Variants in STT3B observed in about 807,000 individuals in gnomAD.
The protein encoded by STT3B is STT3 oligosaccharyltransferase complex catalytic subunit B, also known as dolichyl-diphosphooligosaccharide--protein glycosyltransferase subunit STT3B.
A neutral mutation model predicts 96.8 loss-of-function variants in STT3B; 29 were observed. The observed-to-expected ratio is 0.30, with a 90% confidence interval of 0.22 to 0.41. The LOEUF is 0.41. Among genes scored for constraint, STT3B ranks in the 10% least tolerant of loss-of-function variants. The pLI is 1.00. For synonymous variants in STT3B, 367 were observed against 360.0 expected, an observed-to-expected ratio of 1.02 and a Z score of -0.22; for missense variants, 640 against 1,022.3, an observed-to-expected ratio of 0.63 and a Z score of 5.10.
In STT3B at chr3:31,581,834, C is replaced by CT. The variant is rs1298725653; in HGVS notation, c.711+1744dup. On this transcript the variant is annotated intron_variant, in intron 3 of 15. Transcript: ENST00000295770. Reference sequence around the variant, plus strand: ...TGAAGCCATCAGGACCAGGACTTCTCTTTTTTGGGAGATTTCTGATTGCTG... The same window carrying CT: ...TGAAGCCATCAGGACCAGGACTTCTCTTTTTTTGGGAGATTTCTGATTGCTG... Among the ~76,000 whole-genome samples, 6 of 152,252 alleles carry CT rather than the reference C, an allele frequency of 3.9e-5. No individual in the cohort carries two copies. In the South Asian group the frequency reaches 1.2e-3, roughly 32 times the overall value.
intron 5 of STT3B, among the ~76,000 whole-genome samples, chr3:31,608,212 C>T (rs531816635): frequency 8.5e-5 from 13 of 152,256 alleles, no homozygotes; most frequent in Admixed American, 2.6e-4. Flanking sequence ...TACACTCCTC[C>T]GCCCCTATTT....
Position 31,532,926 on chromosome 3 carries a change from T to C in STT3B, c.-73T>C, listed in dbSNP as rs2125429984. 2 of 1,488,000 alleles carry C rather than the reference T, an allele frequency of 1.3e-6. No homozygotes were observed. The highest frequency in any genetic ancestry group is 1.8e-6 in the Non-Finnish European group (2 of 1,121,926). The allele number at this position is 1,488,000 out of a possible 1,614,324, so 92.2% of individuals were successfully genotyped here. A position where few individuals can be genotyped will look rare whatever the true frequency, so the allele number is the denominator to read the frequency against. On this transcript the variant is annotated 5_prime_UTR_variant, in exon 1 of 16. Transcript: ENST00000295770. The stretch of plus-strand genomic sequence containing the variant: ...TTCCTCCTCCTCCTCCTCCTCCGGG[T>C]CCCCGCCCAGCACCCCTCGCACCAG...
chr3:31,610,426 A>G (rs1252411002), intron 5 of STT3B, among the ~76,000 whole-genome samples: 3 of 152,244 alleles, frequency 2.0e-5, no homozygotes, highest in African/African-American at 7.2e-5. Flanking sequence ...CTTTATTTAC[A>G]TAAAAAGAAG....
At chr3:31,566,552 TCAG>T (rs1348414288) in intron 1 of STT3B, among the ~76,000 whole-genome samples, 2 of 152,174 alleles carry the variant, frequency 1.3e-5, no homozygotes, top group Non-Finnish European at 2.9e-5. Flanking sequence ...TTTTCTTCCT[TCAG>T]CACACCATTT....
At chr3:31,559,146 GGTGTGTGTGTGT>G (rs55707310) in intron 1 of STT3B, among the ~76,000 whole-genome samples, 3,337 of 116,524 alleles carry the variant, frequency 0.029, 68 homozygotes, top group African/African-American at 0.055. Flanking sequence ...TGATTCTTGG[GGTGTGTGTGTGT>G]GTGTGTGTGT....
chr3:31,576,584 G>A (rs1698269239), intron 2 of STT3B, 80 bp downstream of exon 2: 1 of 843,716 alleles, frequency 1.2e-6, no homozygotes, highest in East Asian at 3.0e-5. Flanking sequence ...AAGGTGGTAG[G>A]GATTCTTGAA....
At chr3:31,558,613 A>G (rs1418949732) in intron 1 of STT3B, among the ~76,000 whole-genome samples, 2 of 152,222 alleles carry the variant, frequency 1.3e-5, no homozygotes, top group Non-Finnish European at 2.9e-5. Context: ...TGTGTTCATC[A>G]AGGATATTGG....
intron 3 of STT3B, among the ~76,000 whole-genome samples, chr3:31,584,072 G>C (rs903024498): frequency 2.0e-5 from 3 of 152,126 alleles, no homozygotes; most frequent in Admixed American, 1.3e-4. Context: ...TTAGGTCTTT[G>C]ATCCATTTCG....
chr3:31,595,831 C>T (rs935062869), intron 3 of STT3B, among the ~76,000 whole-genome samples: 4 of 152,206 alleles, frequency 2.6e-5, no homozygotes, highest in Non-Finnish European at 5.9e-5. Flanking sequence ...TGCATCTTTC[C>T]TGCCTCATTG....
intron 1 of STT3B, among the ~76,000 whole-genome samples, chr3:31,564,511 A>G (rs1008163262): frequency 2.0e-5 from 3 of 152,226 alleles, no homozygotes; most frequent in Non-Finnish European, 2.9e-5. Context: ...TGACAATAAT[A>G]TACATCTCAA....
At chr3:31,607,151 G>A (rs941341684) in intron 5 of STT3B, among the ~76,000 whole-genome samples, 3 of 152,140 alleles carry the variant, frequency 2.0e-5, no homozygotes, top group African/African-American at 7.2e-5. Context: ...TGATTTTACA[G>A]GCTCATAGGC....
chr3:31,578,638 A>T (rs1274278000), intron 2 of STT3B, among the ~76,000 whole-genome samples: 1 of 151,610 alleles, frequency 6.6e-6, no homozygotes, highest in Admixed American at 6.6e-5. Flanking sequence ...CAGAATTTTT[A>T]TGTGTTGAGA....
chr3:31,534,409 G>A (rs1183571829), intron 1 of STT3B, among the ~76,000 whole-genome samples: 1 of 151,854 alleles, frequency 6.6e-6, no homozygotes, highest in African/African-American at 2.4e-5. Context: ...TTTTCCCCCT[G>A]AGTTAGGATT....
intron 3 of STT3B, among the ~76,000 whole-genome samples, chr3:31,593,012 C>A (rs1351256390): frequency 6.6e-6 from 1 of 152,074 alleles, no homozygotes; most frequent in Non-Finnish European, 1.5e-5. Context: ...AGTGCAGAAC[C>A]TCAGTACTTG....
chr3:31,559,146 G>GGGGTGTGTGT (rs949401027), intron 1 of STT3B, among the ~76,000 whole-genome samples: 55 of 116,532 alleles, frequency 4.7e-4, no homozygotes, highest in Non-Finnish European at 7.4e-4. Flanking sequence ...TGATTCTTGG[G>GGGGTGTGTGT]GTGTGTGTGT....
At chr3:31,582,794 A>G (rs977674075) in intron 3 of STT3B, among the ~76,000 whole-genome samples, 3 of 150,858 alleles carry the variant, frequency 2.0e-5, no homozygotes, top group Admixed American at 6.6e-5. Flanking sequence ...TTATTTTTTG[A>G]TCTGTTGGTA....
intron 13 of STT3B, among the ~76,000 whole-genome samples, chr3:31,627,586 G>T (rs1389771394): frequency 6.6e-6 from 1 of 152,246 alleles, no homozygotes; most frequent in Non-Finnish European, 1.5e-5. Context: ...CAGAATAAAG[G>T]AATCTTTTGG....
chr3:31,535,929 T>TTTTCA (rs1344300276), intron 1 of STT3B, among the ~76,000 whole-genome samples: 1 of 152,188 alleles, frequency 6.6e-6, no homozygotes, highest in Non-Finnish European at 1.5e-5. Context: ...TCTTGCTTAG[T>TTTTCA]AGTAAGGAGA....
At chr3:31,621,538 A>G (rs1699429626) in intron 9 of STT3B, among the ~76,000 whole-genome samples, 1 of 151,122 alleles carries the variant, frequency 6.6e-6, no homozygotes, top group Non-Finnish European at 1.5e-5. Context: ...AGAAATAGTT[A>G]GAGTCTTTTC....
Sources: gnomAD v4.1 joint callset for allele counts (sites outside exome capture counted in the v4.1 genomes callset) on GRCh38, gnomAD v4.1.1 for gene constraint, MANE v1.5 for transcripts, NCBI Gene and HGNC (gene_info 2026-07-23, HGNC 2026-07-21) for gene names.